The following ACBD5 variants were observed in gnomAD, a reference collection of about 807,000 sequenced individuals.
ACBD5 encodes the protein acyl-CoA-binding domain-containing protein 5.
In ACBD5, 40 loss-of-function variants were observed where a neutral mutation model predicts 71.8. The ratio of observed to expected loss-of-function variants is 0.56; its 90% CI spans 0.43 to 0.72. ACBD5 has a LOEUF of 0.72. Ranked by LOEUF, ACBD5 falls within the 30% of genes least tolerant of loss-of-function variation. ACBD5 has a pLI of 0.00. For missense variants in ACBD5, 559 were observed against 644.5 expected (o/e 0.87, Z 1.44); for synonymous variants, 229 against 218.6 (o/e 1.05, Z -0.42).
intron 4 of ACBD5, among the ~76,000 whole-genome samples, chr10:27,228,791 T>TATATATATATATATA (rs2063411422): frequency 1.7e-3 from 37 of 22,132 alleles, no homozygotes; most frequent in Non-Finnish European, 5.3e-3. Context: ...CCTATTATGT[T>TATATATATATATATA]TATATATATA....
At position 27,240,433 on chromosome 10, in the gene ACBD5, C is replaced by G. The variant is rs2065337459; in HGVS notation, c.67G>C (p.Asp23His). The G allele has an allele frequency of 6.2e-7, 1 of 1,614,084 alleles. No individual in the cohort carries two copies. The highest frequency in any genetic ancestry group is 8.5e-7 in the Non-Finnish European group (1 of 1,180,018). ...TGTTGGCCCCGGTCCCAAGGTCTGT[C>G]GGCGGGAATCAGGCAGCAGCAGCAC... ...SWCCCCLIPA[D>H]RPWDRGQHWQ... is the part of the protein sequence containing the mutation. Residue 23 changes from aspartate to histidine, a missense_variant, in exon 2 of 13, where the codon GAC becomes CAC. Physicochemically the swap from Asp to His is moderately conservative, Grantham distance 81 (BLOSUM62 -1). Coordinates refer to ENST00000396271, the MANE Select transcript of ACBD5 (RefSeq NM_145698.5). The surrounding 1 kb of genome is among the most constrained non-coding windows in gnomAD (Gnocchi z 4.1).
At chr10:27,229,226 T>C (rs1353856141) in intron 4 of ACBD5, among the ~76,000 whole-genome samples, 1 of 152,064 alleles carries the variant, frequency 6.6e-6, no homozygotes, top group Non-Finnish European at 1.5e-5. Flanking sequence ...AAAATATAGT[T>C]AAATTAATAA....
intron 10 of ACBD5, among the ~76,000 whole-genome samples, chr10:27,207,734 C>T (rs1386315207): frequency 2.0e-5 from 3 of 151,966 alleles, no homozygotes; most frequent in African/African-American, 7.2e-5. Context: ...TATTTACTTA[C>T]TTACTTATTT....
At chr10:27,203,169 G>A (rs925216566) in intron 12 of ACBD5, among the ~76,000 whole-genome samples, 5 of 151,310 alleles carry the variant, frequency 3.3e-5, no homozygotes, top group African/African-American at 9.7e-5. Flanking sequence ...TAAATTTTTT[G>A]TGGAGACAGT....
chr10:27,217,653 A>G (rs2061818350), intron 7 of ACBD5, among the ~76,000 whole-genome samples: 1 of 151,984 alleles, frequency 6.6e-6, no homozygotes, highest in Non-Finnish European at 1.5e-5. Context: ...TGTCTCTACA[A>G]AAAATTTAAA....
chr10:27,222,410 TAAA>T (rs11322768), intron 5 of ACBD5, among the ~76,000 whole-genome samples: 10,130 of 140,392 alleles, frequency 0.072, 662 homozygotes, highest in African/African-American at 0.18. Flanking sequence ...GACAAAATTC[TAAA>T]AAAAAAAAAA....
intron 13 of ACBD5, among the ~76,000 whole-genome samples, chr10:27,185,961 C>T (rs1218679321): frequency 2.6e-5 from 4 of 151,966 alleles, no homozygotes; most frequent in Non-Finnish European, 5.9e-5. Flanking sequence ...TGGTGGCACA[C>T]ACCTGTAATC....
downstream of ACBD5, among the ~76,000 whole-genome samples, chr10:27,191,433 A>C (rs531745115): frequency 6.6e-6 from 1 of 152,254 alleles, no homozygotes; most frequent in Admixed American, 6.5e-5. Context: ...CCCCATGGTA[A>C]TGATATGTCC....
chr10:27,199,279 C>T (rs2059680234), intron 12 of ACBD5, among the ~76,000 whole-genome samples: 1 of 151,544 alleles, frequency 6.6e-6, no homozygotes, highest in Non-Finnish European at 1.5e-5. Flanking sequence ...CAACCTCCAC[C>T]TCCTAGGTTC....
chr10:27,208,140 A>T, intron 10 of ACBD5, 106 bp downstream of exon 10: 1 of 1,229,226 alleles, frequency 8.1e-7, no homozygotes, highest in Non-Finnish European at 1.2e-6. Context: ...ATTTTCTAAA[A>T]AAATCAGTAA....
intron 8 of ACBD5, among the ~76,000 whole-genome samples, chr10:27,214,318 C>T (rs1398606822): frequency 6.6e-6 from 1 of 152,010 alleles, no homozygotes; most frequent in African/African-American, 2.4e-5. Context: ...TATTACACAT[C>T]ATATGCCTGC....
At chr10:27,223,297 ATATC>A (rs1564661503) in intron 5 of ACBD5, 37 bp downstream of exon 5, 1 of 1,374,072 alleles carries the variant, frequency 7.3e-7, no homozygotes, top group Admixed American at 1.7e-5. Flanking sequence ...TGTGCATAAT[ATATC>A]AGTTGATGAA....
intron 13 of ACBD5, among the ~76,000 whole-genome samples, chr10:27,184,012 C>A (rs1394541436): frequency 6.6e-6 from 1 of 152,056 alleles, no homozygotes; most frequent in Non-Finnish European, 1.5e-5. Flanking sequence ...ACGCCTGGCC[C>A]AGTTTGTTTA....
chr10:27,223,633 T>C (rs576268902), intron 4 of ACBD5, among the ~76,000 whole-genome samples, 181 bp from the exon 5 acceptor site: 1 of 152,138 alleles, frequency 6.6e-6, no homozygotes, highest in East Asian at 1.9e-4. Flanking sequence ...CCGGGCTAAG[T>C]GGTGGCTCAT....
In ACBD5 at chr10:27,240,244, C is replaced by G; in HGVS notation, c.181+75G>C. On this transcript the variant is annotated intron_variant, in intron 2 of 12. Coordinates refer to ENST00000396271, the MANE Select transcript of ACBD5 (RefSeq NM_145698.5). The surrounding 1 kb of genome is among the most constrained non-coding windows in gnomAD (Gnocchi z 4.1). ...AGAAAAAAAGGCTAAATAAACAACA[C>G]TAGAACCAGAAAGTGAAAGGGGGCT... 1 of 1,612,200 alleles carries G rather than the reference C, an allele frequency of 6.2e-7. No homozygotes were observed. Among genetic ancestry groups the G allele is most frequent in the Non-Finnish European group, 8.5e-7 (1 of 1,179,730 alleles).
chr10:27,188,553 A>G (rs2058911940), intron 13 of ACBD5, among the ~76,000 whole-genome samples: 1 of 152,210 alleles, frequency 6.6e-6, no homozygotes, highest in African/African-American at 2.4e-5. Context: ...AGGGACTTGA[A>G]ACATTACTGA....
intron 12 of ACBD5, among the ~76,000 whole-genome samples, chr10:27,199,466 T>C (rs1490226853): frequency 2.0e-5 from 3 of 152,114 alleles, no homozygotes; most frequent in African/African-American, 7.2e-5. Context: ...TTGTTTTAAA[T>C]CAACTTGCAA....
At position 27,223,539 on chromosome 10, in the gene ACBD5, G is replaced by A. The variant is rs2062629097; in HGVS notation, c.376-87C>T. 1.6e-5 allele frequency: 16 copies of A among 987,020 alleles called. No homozygotes were observed. In the East Asian group the frequency reaches 3.7e-4, roughly 23 times the overall value. The allele number at this position is 987,020 out of a possible 1,614,324, so 61.1% of individuals were successfully genotyped here. A position where few individuals can be genotyped will look rare whatever the true frequency, so the allele number is the denominator to read the frequency against. ...TCAAATAATCTCCTATTTCCAATTT[G>A]TCAATAATTTTAATATTTGACATTC... On this transcript the variant is annotated intron_variant, in intron 4 of 12. Transcript: ENST00000396271.
Position 27,218,135 on chromosome 10 carries a change from A to G in ACBD5, c.674T>C (p.Ile225Thr). ...ATCTTTATCATAGCCATTAGTGACA[A>G]TGACTTCCAAATTCTTATGGTCTGC... The part of the protein sequence containing the change: ...KSADHKNLEV[I>T]VTNGYDKDGF... Residue 225 changes from isoleucine (I) to threonine (T), a missense_variant, in exon 7 of 13, where the codon ATT becomes ACT. Transcript: ENST00000396271. The G allele has an allele frequency of 1.2e-6, 2 of 1,614,134 alleles. No individual in the cohort carries two copies. Among genetic ancestry groups the G allele is most frequent in the Non-Finnish European group, 1.7e-6 (2 of 1,180,014 alleles).
Sources: allele counts gnomAD v4.1 joint callset (sites outside exome capture counted in the v4.1 genomes callset), GRCh38; gene constraint gnomAD v4.1.1; non-coding constraint Gnocchi (gnomAD v3.1); transcripts MANE v1.5; gene names NCBI Gene and HGNC (gene_info 2026-07-23, HGNC 2026-07-21).